MTDH: variants seen among roughly 807,000 people sequenced by gnomAD.
The protein encoded by MTDH is metadherin, also known as protein LYRIC.
A neutral mutation model predicts 72.7 loss-of-function variants in MTDH; 34 were observed. The ratio of observed to expected loss-of-function variants is 0.47; its 90% confidence interval spans 0.36 to 0.62. MTDH has a LOEUF of 0.62. MTDH is among the 20% of genes least tolerant of loss of function. The pLI is 0.00. For synonymous variants in MTDH, 266 were observed against 268.9 expected (o/e 0.99, Z 0.10); for missense variants, 677 against 699.4 (o/e 0.97, Z 0.36).
intron 2 of MTDH, among the ~76,000 whole-genome samples, chr8:97,680,958 G>A (rs1813044259): frequency 6.6e-6 from 1 of 152,146 alleles, no homozygotes; most frequent in African/African-American, 2.4e-5. Flanking sequence ...TTTAACACAT[G>A]GAAAGGTATA....
At chr8:97,660,883 T>TTATATATATA (rs371936849) in intron 1 of MTDH, among the ~76,000 whole-genome samples, 189 bp from the exon 2 acceptor site, 1 of 128,234 alleles carries the variant, frequency 7.8e-6, no homozygotes, top group Admixed American at 9.3e-5. Context: ...CTTATGAATT[T>TTATATATATA]TATATATATA....
At chr8:97,716,232 C>T (rs1415072605) in intron 9 of MTDH, among the ~76,000 whole-genome samples, 1 of 151,878 alleles carries the variant, frequency 6.6e-6, no homozygotes, top group African/African-American at 2.4e-5. Context: ...ACTAAAAATA[C>T]AGCATTAACC....
rs1258791301 is a variant in MTDH at position 97,729,771 on chromosome 8, A to C, written c.*5101A>C. ...CCTCCTAAATGCTGGGATTACAGGCATGAACCACTGTGCCCAGTCTATATA... is the reference window on the plus strand; with the variant it reads ...CCTCCTAAATGCTGGGATTACAGGCCTGAACCACTGTGCCCAGTCTATATA... On this transcript the variant is annotated 3_prime_UTR_variant, in exon 12 of 12. Transcript: ENST00000336273. 6.6e-6 allele frequency among the ~76,000 whole-genome samples: 1 copy of C among 152,162 alleles called. No individual in the cohort carries two copies. Among genetic ancestry groups the C allele is most frequent in the Non-Finnish European group, 1.5e-5 (1 of 68,038 alleles).
At chr8:97,659,031 T>C (rs1204057305) in intron 1 of MTDH, among the ~76,000 whole-genome samples, 3 of 151,972 alleles carry the variant, frequency 2.0e-5, no homozygotes, top group South Asian at 4.2e-4. Context: ...TAGTCCCAGC[T>C]ACTTGGGAAG....
chr8:97,719,189 G>A lies in MTDH; in HGVS notation c.1521G>A (p.Gln507=). ...CCGAAGTACTCGTCAAAAATAGCCAGGTAATTTTTAAGAATAATAAAGTTG... is the reference window on the plus strand; with the variant it reads ...CCGAAGTACTCGTCAAAAATAGCCAAGTAATTTTTAAGAATAATAAAGTTG... ...DPAEVLVKNS[Q]PIKTLPPATS... The change falls in exon 10 of 12, where the codon CAG becomes CAA. Residue 507 remains glutamine, a splice_region_variant and synonymous_variant. Transcript: ENST00000336273. The A allele has an allele frequency of 6.2e-7, 1 of 1,609,150 alleles. No individual in the cohort carries two copies. The highest frequency in any genetic ancestry group is 8.5e-7 in the Non-Finnish European group (1 of 1,178,802).
rs549339109 is a variant in MTDH, at chr8:97,650,458, A to G, written c.381+5571A>G. Among the ~76,000 whole-genome samples the G allele has an allele frequency of 1.2e-3, 189 of 151,558 alleles. 1 individual carries two copies. The highest frequency in any genetic ancestry group is 4.6e-3 in the African/African-American group (188 of 41,290). On this transcript the variant is annotated intron_variant, in intron 1 of 11. Transcript: ENST00000336273. The stretch of plus-strand genomic sequence containing the variant: ...CCCAGCTAATTTTTGAATTTTTTGT[A>G]GAGATGGCGTTTTGCTATGTTGCCT...
At chr8:97,697,129 A>AATATATAT (rs1363194842) in intron 6 of MTDH, among the ~76,000 whole-genome samples, 1 of 85,742 alleles carries the variant, frequency 1.2e-5, no homozygotes. Flanking sequence ...CAAAAAAAAA[A>AATATATAT]ATATATATAT....
At chr8:97,659,201 A>G (rs1294077652) in intron 1 of MTDH, among the ~76,000 whole-genome samples, 1 of 152,196 alleles carries the variant, frequency 6.6e-6, no homozygotes, top group African/African-American at 2.4e-5. Flanking sequence ...TGTATTCCTG[A>G]TGTAGATACG....
At chr8:97,703,609 A>G (rs1429338090) in intron 7 of MTDH, among the ~76,000 whole-genome samples, 1 of 152,192 alleles carries the variant, frequency 6.6e-6, no homozygotes, top group Non-Finnish European at 1.5e-5. Flanking sequence ...TGAACCTCCT[A>G]AAGTATTATT....
intron 6 of MTDH, among the ~76,000 whole-genome samples, chr8:97,694,200 CTT>C (rs1265111285): frequency 4.9e-5 from 7 of 142,876 alleles, no homozygotes; most frequent in Admixed American, 7.0e-5. Flanking sequence ...TTTTCTGGAA[CTT>C]TTTTTTTTTT....
chr8:97,690,251 CAA>C (rs1813545664), intron 5 of MTDH, among the ~76,000 whole-genome samples: 1 of 152,154 alleles, frequency 6.6e-6, no homozygotes, highest in African/African-American at 2.4e-5. Context: ...CCCAGCCTCC[CAA>C]AGTGCTGGGA....
At chr8:97,675,062 G>A (rs759135830) in intron 2 of MTDH, among the ~76,000 whole-genome samples, 22 of 152,006 alleles carry the variant, frequency 1.4e-4, no homozygotes, top group African/African-American at 3.4e-4. Context: ...CACCTGCTAC[G>A]GCCTCCCAAA....
chr8:97,665,082 T>C (rs1179529785), intron 2 of MTDH, among the ~76,000 whole-genome samples: 1 of 152,126 alleles, frequency 6.6e-6, no homozygotes, highest in Admixed American at 6.6e-5. Flanking sequence ...TATAAAGAAA[T>C]ACATCTTTGA....
At chr8:97,649,063 AC>A (rs1373625540) in intron 1 of MTDH, among the ~76,000 whole-genome samples, 16 of 152,278 alleles carry the variant, frequency 1.1e-4, no homozygotes, top group Admixed American at 5.2e-4. Context: ...ACAAACACTT[AC>A]CATTGTGTTA....
intron 6 of MTDH, among the ~76,000 whole-genome samples, chr8:97,693,705 TTTTTG>T (rs933015563): frequency 4.7e-4 from 71 of 152,260 alleles, no homozygotes; most frequent in African/African-American, 1.5e-3. Context: ...TCTTCATGTT[TTTTTG>T]TTTTGTTTTG....
chr8:97,695,253 A>G (rs1205235690), intron 6 of MTDH, among the ~76,000 whole-genome samples: 1 of 151,956 alleles, frequency 6.6e-6, no homozygotes, highest in African/African-American at 2.4e-5. Flanking sequence ...AGCTGGGATT[A>G]CAGGCACGTG....
rs143861791 is a variant in MTDH at position 97,692,055 on chromosome 8, A to G, written c.1048+867A>G. Among the ~76,000 whole-genome samples the G allele has an allele frequency of 2.7e-3, 416 of 151,928 alleles. 3 individuals are homozygous for G. Among genetic ancestry groups the G allele is most frequent in the African/African-American group, 9.6e-3 (397 of 41,458 alleles). ...ATCACCATACCTGGCTAATTTTTCTATTTTTAGTAGGGACGGGGTTTTGCC... is the reference window on the plus strand; with the variant it reads ...ATCACCATACCTGGCTAATTTTTCTGTTTTTAGTAGGGACGGGGTTTTGCC... On this transcript the variant is annotated intron_variant, in intron 6 of 11. Transcript: ENST00000336273.
At chr8:97,709,006 G>A (rs1203274643) in intron 8 of MTDH, among the ~76,000 whole-genome samples, 1 of 151,888 alleles carries the variant, frequency 6.6e-6, no homozygotes, top group Non-Finnish European at 1.5e-5. Context: ...GCCGGGCCAA[G>A]ATGGTGAAAC....
At chr8:97,685,250 A>G (rs1275251175) in intron 2 of MTDH, among the ~76,000 whole-genome samples, 1 of 152,130 alleles carries the variant, frequency 6.6e-6, no homozygotes, top group Non-Finnish European at 1.5e-5. Flanking sequence ...AATTATACAT[A>G]CTGTAATAAA....
Sources: allele counts gnomAD v4.1 joint callset (sites outside exome capture counted in the v4.1 genomes callset), GRCh38; gene constraint gnomAD v4.1.1; transcripts MANE v1.5; gene names NCBI Gene and HGNC (gene_info 2026-07-23, HGNC 2026-07-21).